ANKS1B: variants seen among roughly 807,000 people sequenced by gnomAD.
ANKS1B encodes the protein ankyrin repeat and sterile alpha motif domain containing 1B.
ANKS1B carries 36 observed loss-of-function variants against 148.3 expected under a neutral mutation model. The observed-to-expected ratio is 0.24, with a 90% CI of 0.19 to 0.32. The LOEUF (loss-of-function observed/expected upper bound fraction) is 0.32, where lower values mean the gene tolerates loss of function less well. Ranked by LOEUF, ANKS1B falls within the 10% of genes least tolerant of loss-of-function variation. The pLI is 1.00. For synonymous variants in ANKS1B, 542 were observed against 560.8 expected (o/e 0.97, Z 0.47); for missense variants, 1,157 against 1,542.6 (o/e 0.75, Z 4.19).
Position 99,504,414 on chromosome 12 carries a change from T to C in ANKS1B, c.1438+62A>G, listed in dbSNP as rs1255755519. Reference sequence around the variant, plus strand: ...TAGTAGGAAACCAAAATGTTAATGATGCATCTTCATATGAATAAGCAAGTA... The same window carrying C: ...TAGTAGGAAACCAAAATGTTAATGACGCATCTTCATATGAATAAGCAAGTA... On this transcript the variant is annotated intron_variant, in intron 10 of 26. Coordinates refer to ENST00000683438, the MANE Select transcript of ANKS1B (RefSeq NM_001352186.2). 3.3e-6 allele frequency: 5 copies of C among 1,514,326 alleles called. No individual in the cohort carries two copies. In the African/African-American group the frequency reaches 5.6e-5, roughly 17 times the overall value. 93.8% of individuals were successfully genotyped at this position (1,514,326 alleles called of 1,614,324 possible). A position where few individuals can be genotyped will look rare whatever the true frequency, so the allele number is the denominator to read the frequency against.
intron 17 of ANKS1B, 62 bp downstream of exon 17, chr12:99,053,095 G>T: frequency 5.6e-6 from 8 of 1,422,784 alleles, no homozygotes; most frequent in Non-Finnish European, 7.4e-6. Context: ...TATAAAAAAA[G>T]AAAATTAAAT....
chr12:98,936,326 T>C (rs988496405), intron 17 of ANKS1B, among the ~76,000 whole-genome samples: 10 of 152,176 alleles, frequency 6.6e-5, no homozygotes, highest in African/African-American at 1.9e-4. Context: ...CCATACCACC[T>C]TCTTTAAAAA....
chr12:99,629,573 T>C (rs1439016864), intron 9 of ANKS1B, among the ~76,000 whole-genome samples: 1 of 152,182 alleles, frequency 6.6e-6, no homozygotes, highest in Non-Finnish European at 1.5e-5. Flanking sequence ...GTGCTGTTAC[T>C]ATCCTCACTT....
intron 12 of ANKS1B, among the ~76,000 whole-genome samples, chr12:99,313,599 A>C (rs1218488298): frequency 6.6e-6 from 1 of 152,218 alleles, no homozygotes; most frequent in Non-Finnish European, 1.5e-5. Flanking sequence ...CCTGGGTTGC[A>C]AGGTTGGTTC....
chr12:98,831,316 C>T (rs1195089677), intron 18 of ANKS1B: 1 of 152,148 alleles, frequency 6.6e-6, no homozygotes, highest in Non-Finnish European at 1.5e-5. Flanking sequence ...TTTAGATTCT[C>T]TATTCTGAAT....
At chr12:99,146,870 G>A (rs1196722764) in intron 15 of ANKS1B, among the ~76,000 whole-genome samples, 1 of 152,084 alleles carries the variant, frequency 6.6e-6, no homozygotes. Context: ...TGAGGAGCTC[G>A]AAACTGAAAG....
intron 1 of ANKS1B, among the ~76,000 whole-genome samples, chr12:99,974,111 C>A (rs2095595937): frequency 6.6e-6 from 1 of 152,240 alleles, no homozygotes; most frequent in South Asian, 2.1e-4. Flanking sequence ...TCAGCAACCA[C>A]CATTCTAATC....
At position 99,715,021 on chromosome 12, in the gene ANKS1B, C is replaced by T. The variant is rs111488676; in HGVS notation, c.1128+57901G>A. 1.3e-3 allele frequency among the ~76,000 whole-genome samples: 204 copies of T among 151,362 alleles called. 4 individuals carry two copies. The highest frequency in any genetic ancestry group is 6.9e-3 in the Middle Eastern group (2 of 290). ...GCAGGTTCCTGTAATCCCAGCTACT[C>T]GGGAGGCTAAGGCAGGAGAATAGCT... On this transcript the variant is annotated intron_variant, in intron 8 of 26. Transcript: ENST00000683438.
At chr12:99,257,300 C>G (rs1423865614) in intron 12 of ANKS1B, among the ~76,000 whole-genome samples, 1 of 152,052 alleles carries the variant, frequency 6.6e-6, no homozygotes, top group Non-Finnish European at 1.5e-5. Flanking sequence ...TCTTCTGATT[C>G]CATACTTCAT....
intron 1 of ANKS1B, among the ~76,000 whole-genome samples, chr12:99,911,492 G>A (rs1180049844): frequency 3.3e-5 from 5 of 152,072 alleles, no homozygotes; most frequent in African/African-American, 1.2e-4. Flanking sequence ...CAGAAGAAAT[G>A]CTTTCTTTAT....
chr12:99,327,436 T>C (rs2086688261), intron 12 of ANKS1B, among the ~76,000 whole-genome samples: 1 of 134,756 alleles, frequency 7.4e-6, no homozygotes, highest in Non-Finnish European at 1.5e-5. Flanking sequence ...GTCTATAAAT[T>C]ATATATTATA....
intron 11 of ANKS1B, among the ~76,000 whole-genome samples, chr12:99,438,982 A>G: frequency 6.6e-6 from 1 of 151,928 alleles, no homozygotes; most frequent in Non-Finnish European, 1.5e-5. Flanking sequence ...AAAAAAGCAA[A>G]CAAGTACTCT....
intron 9 of ANKS1B, among the ~76,000 whole-genome samples, chr12:99,530,703 T>C (rs1332393227): frequency 6.6e-6 from 1 of 152,150 alleles, no homozygotes; most frequent in Admixed American, 6.5e-5. Context: ...GAGGTTAGTA[T>C]CTGTATGGAT....
chr12:99,930,418 T>C (rs1274700637), intron 1 of ANKS1B, among the ~76,000 whole-genome samples: 2 of 152,364 alleles, frequency 1.3e-5, no homozygotes, highest in East Asian at 3.9e-4. Context: ...TGGGGTTTTC[T>C]AGATATACAA....
At chr12:98,946,060 C>A (rs1278258463) in intron 17 of ANKS1B, among the ~76,000 whole-genome samples, 1 of 152,192 alleles carries the variant, frequency 6.6e-6, no homozygotes, top group Non-Finnish European at 1.5e-5. Flanking sequence ...GTTTTTCCAT[C>A]CCTATTCCCA....
At chr12:99,606,595 T>C (rs1453000625) in intron 9 of ANKS1B, among the ~76,000 whole-genome samples, 3 of 152,080 alleles carry the variant, frequency 2.0e-5, no homozygotes, top group Non-Finnish European at 2.9e-5. Flanking sequence ...CATAAACTTA[T>C]GAATAATCAT....
chr12:99,719,555 T>C (rs1210358671), intron 8 of ANKS1B, among the ~76,000 whole-genome samples: 2 of 152,268 alleles, frequency 1.3e-5, no homozygotes, highest in East Asian at 3.9e-4. Context: ...ACATCTATTA[T>C]TGAGGCTACT....
intron 8 of ANKS1B, among the ~76,000 whole-genome samples, chr12:99,738,001 T>G (rs1289679710): frequency 1.3e-5 from 2 of 152,194 alleles, no homozygotes; most frequent in Admixed American, 6.5e-5. Context: ...AACTGCTACA[T>G]GCCAGCAATT....
chr12:98,982,972 TTA>T (rs2099914525), intron 17 of ANKS1B, among the ~76,000 whole-genome samples: 1 of 152,226 alleles, frequency 6.6e-6, no homozygotes, highest in Non-Finnish European at 1.5e-5. Flanking sequence ...TCTAGAGTGG[TTA>T]TATTGACTTG....
Sources: allele counts gnomAD v4.1 joint callset (sites outside exome capture counted in the v4.1 genomes callset), GRCh38; gene constraint gnomAD v4.1.1; transcripts MANE v1.5; gene names NCBI Gene and HGNC (gene_info 2026-07-23, HGNC 2026-07-21).